Variants in FAM149B1 observed in about 807,000 individuals in gnomAD.
The protein encoded by FAM149B1 is primary cilium assembly protein FAM149B1.
FAM149B1 carries 56 observed loss-of-function variants against 75.3 expected under a neutral mutation model. That is an observed-to-expected ratio of 0.74 (90% CI 0.60 to 0.93). FAM149B1 has a LOEUF of 0.93. Ranked by LOEUF, FAM149B1 falls within the 40% of genes least tolerant of loss-of-function variation. FAM149B1 has a pLI of 0.00. For synonymous variants in FAM149B1, 259 were observed against 256.1 expected (o/e 1.01, Z -0.11); for missense variants, 639 against 708.4 (o/e 0.90, Z 1.11).
intron 6 of FAM149B1, among the ~76,000 whole-genome samples, chr10:73,209,177 G>C (rs544757334): frequency 2.0e-5 from 3 of 152,106 alleles, no homozygotes; most frequent in Non-Finnish European, 4.4e-5. Flanking sequence ...GGCTGGGCGC[G>C]GTGGCTCACA....
intron 1 of FAM149B1, among the ~76,000 whole-genome samples, chr10:73,170,431 G>A (rs140243580): frequency 0.052 from 7,787 of 150,226 alleles, 617 homozygotes; most frequent in African/African-American, 0.17. Context: ...TTGAACCTGG[G>A]AGGCGGAGGT....
At position 73,243,340 on chromosome 10, in the gene FAM149B1, T is replaced by C; in HGVS notation, c.*2321T>C. On this transcript the variant is annotated 3_prime_UTR_variant, in exon 14 of 14. Coordinates refer to ENST00000242505, the MANE Select transcript of FAM149B1 (RefSeq NM_173348.2). ...TTGACTTTTGCCTTCAAATCCTGCC[T>C]GCACCTTGCCTACGATGGCATCAAT... 1 of 1,598,082 alleles carries C rather than the reference T, an allele frequency of 6.3e-7. No individual in the cohort carries two copies. Among genetic ancestry groups the C allele is most frequent in the Non-Finnish European group, 8.5e-7 (1 of 1,172,664 alleles).
intron 12 of FAM149B1, among the ~76,000 whole-genome samples, chr10:73,236,603 GGGGTTTTGC>G (rs2043827780): frequency 2.0e-5 from 3 of 151,766 alleles, no homozygotes; most frequent in Admixed American, 6.6e-5. Flanking sequence ...TACTAGAGAT[GGGGTTTTGC>G]CATCTTGGCC....
At chr10:73,182,211 C>CTTTTTTTTT (rs1193905747) in intron 3 of FAM149B1, among the ~76,000 whole-genome samples, 1 of 109,404 alleles carries the variant, frequency 9.1e-6, no homozygotes, top group African/African-American at 3.3e-5. Context: ...CAGTCTGTGT[C>CTTTTTTTTT]TTTTTTTTTT....
chr10:73,199,477 A>C (rs974032631), intron 5 of FAM149B1, among the ~76,000 whole-genome samples: 3 of 152,098 alleles, frequency 2.0e-5, no homozygotes, highest in Non-Finnish European at 4.4e-5. Context: ...TCAGCCTCCC[A>C]AAGTGCTGAG....
At chr10:73,199,634 T>C (rs1033813737) in intron 5 of FAM149B1, among the ~76,000 whole-genome samples, 2 of 152,228 alleles carry the variant, frequency 1.3e-5, no homozygotes, top group African/African-American at 4.8e-5. Flanking sequence ...GCCTCCCAAA[T>C]AGCTGGGACT....
chr10:73,177,614 T>C (rs562802203), intron 2 of FAM149B1, among the ~76,000 whole-genome samples: 72 of 152,158 alleles, frequency 4.7e-4, no homozygotes, highest in Non-Finnish European at 8.4e-4. Context: ...TGTTGAAGTA[T>C]TCATTGTAAA....
chr10:73,199,958 C>A, intron 5 of FAM149B1: 1 of 185,096 alleles, frequency 5.4e-6, no homozygotes, highest in Non-Finnish European at 1.2e-5. Flanking sequence ...TAAAAAGTCT[C>A]TTCTTTGGGG....
At chr10:73,216,478 CTCTG>C (rs780475074) in intron 7 of FAM149B1, among the ~76,000 whole-genome samples, 2 of 149,040 alleles carry the variant, frequency 1.3e-5, no homozygotes, top group Non-Finnish European at 3.0e-5. Flanking sequence ...GTTTCTTTTT[CTCTG>C]TCTTTTGTCT....
At chr10:73,205,582 C>T (rs1226215306) in intron 5 of FAM149B1, among the ~76,000 whole-genome samples, 1 of 152,018 alleles carries the variant, frequency 6.6e-6, no homozygotes, top group Non-Finnish European at 1.5e-5. Flanking sequence ...GAGACAGAGT[C>T]TCACTCTGTT....
chr10:73,177,190 C>T (rs1482574684), intron 2 of FAM149B1, among the ~76,000 whole-genome samples: 1 of 151,098 alleles, frequency 6.6e-6, no homozygotes, highest in African/African-American at 2.4e-5. Context: ...GGTGACAGAG[C>T]GAGACCCCAT....
At chr10:73,226,908 G>A (rs1269627316) in intron 7 of FAM149B1, among the ~76,000 whole-genome samples, 1 of 152,104 alleles carries the variant, frequency 6.6e-6, no homozygotes, top group Non-Finnish European at 1.5e-5. Flanking sequence ...GAAGAGAAAA[G>A]CCAAACTGCA....
chr10:73,189,104 G>T (rs960646234), intron 3 of FAM149B1, among the ~76,000 whole-genome samples: 1 of 151,998 alleles, frequency 6.6e-6, no homozygotes, highest in Admixed American at 6.6e-5. Context: ...TTCCATGAAA[G>T]AAAAAGACAT....
At position 73,240,982 on chromosome 10, in the gene FAM149B1, G is replaced by A. The variant is rs2043938055; in HGVS notation, c.1712G>A (p.Gly571Glu). The A allele has an allele frequency of 1.3e-6, 2 of 1,504,526 alleles. No homozygotes were observed. The highest frequency in any genetic ancestry group is 2.0e-5 in the Admixed American group (1 of 49,236). 93.2% of individuals were successfully genotyped at this position (1,504,526 alleles called of 1,614,324 possible). A position where few individuals can be genotyped will look rare whatever the true frequency, so the allele number is the denominator to read the frequency against. ...QLHGSTKSQSGGRPVSRTRQG... is the reference protein window; with the variant it reads ...QLHGSTKSQSEGRPVSRTRQG... Reference sequence around the variant, plus strand: ...CATGGGTCTACAAAATCTCAAAGCGGAGGCAGACCAGTCTCTCGAACCAGG... The same window carrying A: ...CATGGGTCTACAAAATCTCAAAGCGAAGGCAGACCAGTCTCTCGAACCAGG... Residue 571 changes from glycine (G) to glutamate (E), a missense_variant, in exon 14 of 14, where the codon GGA (glycine) becomes GAA (glutamate). Transcript: ENST00000242505.
chr10:73,189,104 G>A lies in FAM149B1; in HGVS notation c.283-3452G>A, dbSNP rs960646234. On this transcript the variant is annotated intron_variant, in intron 3 of 13. Transcript: ENST00000242505. ...AGACTTGAAAAGACATTCCATGAAA[G>A]AAAAAGACATAAATGGCCACGTAGC... 2.0e-5 allele frequency among the ~76,000 whole-genome samples: 3 copies of A among 151,998 alleles called. No individual in the cohort carries two copies. In the South Asian group the frequency reaches 6.2e-4, roughly 31 times the overall value.
Position 73,243,680 on chromosome 10 carries a change from T to G in FAM149B1, c.*2661T>G. ...CAATTGGTGTTAATAATTGTAAAAC[T>G]TTGTAAATACACTTAAAACCACCAA... is the stretch of plus-strand genomic sequence containing the variant. On this transcript the variant is annotated 3_prime_UTR_variant, in exon 14 of 14. Coordinates refer to ENST00000242505, the MANE Select transcript of FAM149B1 (RefSeq NM_173348.2). 1.7e-6 allele frequency: 2 copies of G among 1,162,570 alleles called. No individual in the cohort carries two copies. Among genetic ancestry groups the G allele is most frequent in the Non-Finnish European group, 2.4e-6 (2 of 823,188 alleles). 72.0% of individuals were successfully genotyped at this position (1,162,570 alleles called of 1,614,324 possible). A position where few individuals can be genotyped will look rare whatever the true frequency, so the allele number is the denominator to read the frequency against.
At chr10:73,208,842 C>A in intron 6 of FAM149B1, 56 bp downstream of exon 6, 2 of 1,110,870 alleles carry the variant, frequency 1.8e-6, no homozygotes, top group South Asian at 3.1e-5. Context: ...GTATTAATAC[C>A]TATTTTTTCT....
At chr10:73,197,767 A>C (rs1378522635) in intron 5 of FAM149B1, among the ~76,000 whole-genome samples, 1 of 141,996 alleles carries the variant, frequency 7.0e-6, no homozygotes, top group Non-Finnish European at 1.5e-5. Flanking sequence ...AGACTGTCTC[A>C]AAAAAAAAAA....
chr10:73,175,436 G>A (rs1292268404), intron 2 of FAM149B1, among the ~76,000 whole-genome samples: 2 of 152,020 alleles, frequency 1.3e-5, no homozygotes, highest in Admixed American at 6.6e-5. Context: ...TTGGGAGGCC[G>A]AGGTGCACGG....
Sources: allele counts gnomAD v4.1 joint callset (sites outside exome capture counted in the v4.1 genomes callset), GRCh38; gene constraint gnomAD v4.1.1; transcripts MANE v1.5; gene names NCBI Gene and HGNC (gene_info 2026-07-23, HGNC 2026-07-21).